The following COL13A1 variants were observed in gnomAD, a reference collection of about 807,000 sequenced individuals.
COL13A1 encodes collagen type XIII alpha 1 chain.
A neutral mutation model predicts 130.9 loss-of-function variants in COL13A1; 89 were observed. The observed-to-expected ratio is 0.68, with a 90% CI of 0.57 to 0.81. The LOEUF (loss-of-function observed/expected upper bound fraction) is 0.81, where lower values mean the gene tolerates loss of function less well. COL13A1 is among the 30% of genes least tolerant of loss of function. The probability of loss-of-function intolerance (pLI) is 0.00; values close to 1 mark genes in which losing one functional copy is unlikely to be tolerated. For missense variants in COL13A1, 879 were observed against 934.6 expected (o/e 0.94, Z 0.78); for synonymous variants, 402 against 341.6 (o/e 1.18, Z -1.95).
chr10:69,835,112 G>A (rs759930569), intron 2 of COL13A1, among the ~76,000 whole-genome samples: 24 of 152,140 alleles, frequency 1.6e-4, no homozygotes, highest in Non-Finnish European at 3.2e-4. Flanking sequence ...AATCCTGCCC[G>A]CAGCACACAT....
At chr10:69,836,479 C>T (rs1367114718) in intron 2 of COL13A1, among the ~76,000 whole-genome samples, 1 of 152,226 alleles carries the variant, frequency 6.6e-6, no homozygotes, top group Non-Finnish European at 1.5e-5. Flanking sequence ...GGCCCTCCTA[C>T]CATGCAAAGG....
At chr10:69,847,953 C>G (rs1853610432) in intron 2 of COL13A1, among the ~76,000 whole-genome samples, 1 of 152,258 alleles carries the variant, frequency 6.6e-6, no homozygotes, top group Non-Finnish European at 1.5e-5. Context: ...CCTTCTGAGA[C>G]CTAGCATGCT....
intron 30 of COL13A1, among the ~76,000 whole-genome samples, chr10:69,931,508 G>A (rs1037533157): frequency 9.9e-5 from 15 of 152,122 alleles, no homozygotes; most frequent in East Asian, 1.9e-4. Flanking sequence ...CTAGTTCGAC[G>A]GTGCTAGAAT....
intron 13 of COL13A1, 28 bp downstream of exon 13, chr10:69,895,604 G>A: frequency 6.2e-7 from 1 of 1,613,322 alleles, no homozygotes; most frequent in Non-Finnish European, 8.5e-7. Context: ...ATTTAGCAGG[G>A]CACTTTGATC....
chr10:69,928,101 G>C (rs35039949), intron 27 of COL13A1, among the ~76,000 whole-genome samples: 1 of 152,072 alleles, frequency 6.6e-6, no homozygotes, highest in Non-Finnish European at 1.5e-5. Flanking sequence ...GCAGTGAGTC[G>C]AGACTGCACC....
At chr10:69,936,898 G>A in intron 33 of COL13A1, 116 bp downstream of exon 33, 2 of 1,220,358 alleles carry the variant, frequency 1.6e-6, no homozygotes, top group Non-Finnish European at 2.4e-6. Flanking sequence ...TCCAGCCAAG[G>A]GGGTCCAGTC....
chr10:69,926,082 G>A, intron 26 of COL13A1: 1 of 553,296 alleles, frequency 1.8e-6, no homozygotes, highest in Admixed American at 3.2e-5. Context: ...TGGCATCCAG[G>A]TGGCCGGGGC....
intron 26 of COL13A1, chr10:69,926,102 G>A (rs1589565204): frequency 1.9e-6 from 1 of 539,240 alleles, no homozygotes; most frequent in African/African-American, 1.9e-5. Flanking sequence ...CTCTCTGTCT[G>A]GGCCCAGCTG....
Position 69,925,014 on chromosome 10 carries a change from G to A in COL13A1, c.1329+7G>A. 1 of 1,577,012 alleles carries A rather than the reference G, an allele frequency of 6.3e-7. No individual in the cohort carries two copies. Among genetic ancestry groups the A allele is most frequent in the South Asian group, 1.2e-5 (1 of 84,700 alleles). ...GGGACCAGATGGCCCCAAGGTATGT[G>A]CCTCTCCCTCCTGGAGTCACAGCGT... On this transcript the variant is annotated splice_region_variant and intron_variant, in intron 25 of 40. Transcript: ENST00000645393.
At chr10:69,936,670 TG>T (rs2135986746) in intron 32 of COL13A1, 85 bp from the exon 33 acceptor site, 1 of 1,542,976 alleles carries the variant, frequency 6.5e-7, no homozygotes. Context: ...CCAAAACCCT[TG>T]TTCTTCTGTG....
chr10:69,864,725 C>T (rs1303218060), intron 2 of COL13A1, among the ~76,000 whole-genome samples: 1 of 152,196 alleles, frequency 6.6e-6, no homozygotes, highest in African/African-American at 2.4e-5. Context: ...CCTATGTGTC[C>T]ATTTTGGGGA....
At chr10:69,820,509 C>T (rs1422530471) in intron 1 of COL13A1, among the ~76,000 whole-genome samples, 2 of 152,232 alleles carry the variant, frequency 1.3e-5, no homozygotes, top group African/African-American at 4.8e-5. Context: ...CAGTCCCTTA[C>T]AGGAAAGCAG....
At position 69,802,806 on chromosome 10, in the gene COL13A1, T is replaced by C. The variant is rs1840393273; in HGVS notation, c.294+89T>C. 10 of 1,532,408 alleles carry C rather than the reference T, an allele frequency of 6.5e-6. No individual in the cohort carries two copies. In the African/African-American group the frequency reaches 9.8e-5, roughly 15 times the overall value. The allele number at this position is 1,532,408 out of a possible 1,614,324, so 94.9% of individuals were successfully genotyped here. ...CTGTTCAGCCGGTGTCCGCGGGCGC[T>C]CGCTCTCTGCGAGCCCCAGGTTCGC... On this transcript the variant is annotated intron_variant, in intron 1 of 40. Transcript: ENST00000645393.
intron 2 of COL13A1, among the ~76,000 whole-genome samples, chr10:69,846,503 C>T (rs1311334011): frequency 6.6e-6 from 1 of 152,180 alleles, no homozygotes; most frequent in African/African-American, 2.4e-5. Flanking sequence ...GAAGGTGCAT[C>T]CAGGGAGAAG....
At chr10:69,923,891 A>C in intron 24 of COL13A1, 36 bp downstream of exon 24, 1 of 1,602,694 alleles carries the variant, frequency 6.2e-7, no homozygotes, top group Non-Finnish European at 8.5e-7. Context: ...CTGCAAGATG[A>C]GGGTCAGCTT....
chr10:69,887,537 G>A, intron 8 of COL13A1, 46 bp downstream of exon 8: 2 of 1,603,534 alleles, frequency 1.2e-6, no homozygotes, highest in Non-Finnish European at 1.7e-6. Flanking sequence ...GTGGTCTGTA[G>A]GCCTGATTGG....
intron 16 of COL13A1, 86 bp downstream of exon 16, chr10:69,905,045 G>T: frequency 6.9e-7 from 1 of 1,458,418 alleles, no homozygotes. Context: ...GGTGACTGAG[G>T]CAGGAGCAGA....
At chr10:69,891,315 T>C (rs1172511568) in intron 10 of COL13A1, among the ~76,000 whole-genome samples, 1 of 152,198 alleles carries the variant, frequency 6.6e-6, no homozygotes, top group Non-Finnish European at 1.5e-5. Flanking sequence ...ACTTTTGAAC[T>C]AGTGCCTGAA....
chr10:69,954,648 C>T (rs1041527729), intron 39 of COL13A1, among the ~76,000 whole-genome samples: 1 of 152,166 alleles, frequency 6.6e-6, no homozygotes, highest in Non-Finnish European at 1.5e-5. Context: ...GATCGTGGGT[C>T]GCTGCCCAGG....
Sources: allele counts gnomAD v4.1 joint callset (sites outside exome capture counted in the v4.1 genomes callset), GRCh38; gene constraint gnomAD v4.1.1; transcripts MANE v1.5; gene names NCBI Gene and HGNC (gene_info 2026-07-23, HGNC 2026-07-21).